Variants in PCDHGA6 observed in about 807,000 individuals in gnomAD.
PCDHGA6 encodes protocadherin gamma subfamily A, 6.
Under a neutral mutation model 60.6 loss-of-function variants are expected in PCDHGA6, and 41 were observed. The observed-to-expected ratio is 0.68, with a 90% CI of 0.53 to 0.88. PCDHGA6 has a LOEUF of 0.88. PCDHGA6 is among the 40% of genes least tolerant of loss of function. PCDHGA6 has a pLI of 0.00. For missense variants in PCDHGA6, 1,312 were observed against 1,203.0 expected (o/e 1.09, Z -1.34); for synonymous variants, 594 against 524.4 (o/e 1.13, Z -1.81).
chr5:141,451,806 A>G (rs145650418), intron 1 of PCDHGA6, among the ~76,000 whole-genome samples: 6,855 of 150,824 alleles, frequency 0.045, 259 homozygotes, highest in African/African-American at 0.1. Context: ...GCTTGAACCC[A>G]GGAGGCGGAG....
chr5:141,393,787 G>A (rs1267376494), intron 1 of PCDHGA6: 3 of 1,613,930 alleles, frequency 1.9e-6, no homozygotes, highest in Non-Finnish European at 2.5e-6. Flanking sequence ...GAAGATGTGG[G>A]GGCACTTCTG....
chr5:141,375,974 G>T lies in PCDHGA6; in HGVS notation c.1891G>T (p.Ala631Ser). 1 of 1,613,354 alleles carries T rather than the reference G, an allele frequency of 6.2e-7. No individual in the cohort carries two copies. Among genetic ancestry groups the T allele is most frequent in the Non-Finnish European group, 8.5e-7 (1 of 1,179,880 alleles). Residue 631 changes from alanine (A) to serine (S), a missense_variant, in exon 1 of 4, where the codon GCC (alanine) becomes TCC (serine). Physicochemically the swap from Ala to Ser is moderately conservative, Grantham distance 99. Coordinates refer to ENST00000517434, the MANE Select transcript of PCDHGA6 (RefSeq NM_018919.3). ...CACGGGCGAGGTGCGCACGGCGCGC[G>T]CCCTGCTGGACAGAGACGCGCTCAA... ...LHTGEVRTAR[A>S]LLDRDALKQS...
chr5:141,457,417 CT>C lies in PCDHGA6; in HGVS notation c.2425-37385del, dbSNP rs894846890. On this transcript the variant is annotated intron_variant, in intron 1 of 3. Transcript: ENST00000517434. ...ATTCACATTTTCACATTACCCATCC[CT>C]TTTTCCCCCCCACCAAGCTGCAGAA... Among the ~76,000 whole-genome samples, 3 of 152,296 alleles carry C rather than the reference CT, an allele frequency of 2.0e-5. No individual in the cohort carries two copies. In the South Asian group the frequency reaches 6.2e-4, roughly 32 times the overall value.
At chr5:141,467,901 C>T (rs1484485803) in intron 1 of PCDHGA6, among the ~76,000 whole-genome samples, 7 of 152,034 alleles carry the variant, frequency 4.6e-5, no homozygotes, top group Admixed American at 1.3e-4. Flanking sequence ...TCAAGAAATC[C>T]GCCCACCTCA....
At position 141,399,887 on chromosome 5, in the gene PCDHGA6, T is replaced by C. The variant is rs1189359878; in HGVS notation, c.2424+23380T>C. ...GAGCCCGGCTACCTGGTGACCAAGG[T>C]AGTGGCCGTGGACGCAGACTCAGGA... On this transcript the variant is annotated intron_variant, in intron 1 of 3. Coordinates refer to ENST00000517434, the MANE Select transcript of PCDHGA6 (RefSeq NM_018919.3). 3 of 1,612,524 alleles carry C rather than the reference T, an allele frequency of 1.9e-6. No homozygotes were observed. The African/African-American group carries it at 4.0e-5, about 22-fold the overall frequency.
rs750827454 is a variant in PCDHGA6, at chr5:141,394,736, C to T, written c.2424+18229C>T. The stretch of plus-strand genomic sequence containing the variant: ...TGGACAGAGATGCGCTCAAGCAGAG[C>T]CTCGTGGTGGCCGTCCAGGACCATG... On this transcript the variant is annotated intron_variant, in intron 1 of 3. Transcript: ENST00000517434. 13 of 1,613,338 alleles carry T rather than the reference C, an allele frequency of 8.1e-6. No homozygotes were observed. The African/African-American group carries it at 1.5e-4, about 18-fold the overall frequency.
At chr5:141,399,805 T>C (rs776266997) in intron 1 of PCDHGA6, 26 of 1,613,074 alleles carry the variant, frequency 1.6e-5, no homozygotes, top group Non-Finnish European at 8.5e-7. Flanking sequence ...GCGGGTGCTG[T>C]ACCCCGCGCT....
At position 141,509,907 on chromosome 5, in the gene PCDHGA6, C is replaced by G. The variant is rs149338646; in HGVS notation, c.2573-1040C>G. Among the ~76,000 whole-genome samples, 567 of 152,300 alleles carry G rather than the reference C, an allele frequency of 3.7e-3. 5 individuals carry two copies. Among genetic ancestry groups the G allele is most frequent in the Admixed American group, 0.011 (163 of 15,296 alleles). ...GTGACTGACTGTCCCTTCCAGCATGCGCTTAGGTACACTTGGGCCTGAATG... is the reference window on the plus strand; with the variant it reads ...GTGACTGACTGTCCCTTCCAGCATGGGCTTAGGTACACTTGGGCCTGAATG... On this transcript the variant is annotated intron_variant, in intron 3 of 3. Coordinates refer to ENST00000517434, the MANE Select transcript of PCDHGA6 (RefSeq NM_018919.3).
intron 1 of PCDHGA6, among the ~76,000 whole-genome samples, chr5:141,450,470 AGTTT>A (rs199699353): frequency 4.6e-5 from 7 of 151,680 alleles, no homozygotes; most frequent in Non-Finnish European, 8.8e-5. Flanking sequence ...TTATATATAG[AGTTT>A]GTTTGTTTGT....
intron 1 of PCDHGA6, among the ~76,000 whole-genome samples, chr5:141,380,688 T>C (rs1176696155): frequency 6.6e-6 from 1 of 152,260 alleles, no homozygotes; most frequent in Non-Finnish European, 1.5e-5. Flanking sequence ...TGCTTTGTGT[T>C]CGGAGTAGTC....
chr5:141,462,552 T>G (rs966816379), intron 1 of PCDHGA6, among the ~76,000 whole-genome samples: 4 of 152,194 alleles, frequency 2.6e-5, no homozygotes, highest in African/African-American at 9.6e-5. Context: ...TCTTCTTCAG[T>G]GTTTACTGTA....
intron 1 of PCDHGA6, among the ~76,000 whole-genome samples, chr5:141,464,263 T>TA (rs35224477): frequency 7.1e-4 from 74 of 103,538 alleles, no homozygotes; most frequent in East Asian, 1.9e-3. Flanking sequence ...AGACTCCGTC[T>TA]AAAAAAAAAA....
At chr5:141,394,198 T>C in intron 1 of PCDHGA6, 1 of 1,613,874 alleles carries the variant, frequency 6.2e-7, no homozygotes, top group East Asian at 2.2e-5. Context: ...GCGTATATCC[T>C]AGAGAACAAC....
At chr5:141,443,050 T>C (rs1290373918) in intron 1 of PCDHGA6, among the ~76,000 whole-genome samples, 1 of 152,236 alleles carries the variant, frequency 6.6e-6, no homozygotes, top group Non-Finnish European at 1.5e-5. Flanking sequence ...AAAATTATTG[T>C]TCCACTGAAG....
At chr5:141,385,191 G>A (rs775228510) in intron 1 of PCDHGA6, 1 of 1,614,086 alleles carries the variant, frequency 6.2e-7, no homozygotes, top group African/African-American at 1.3e-5. Context: ...CGGACTCTCG[G>A]AAGAGTCACC....
At chr5:141,479,964 A>G (rs188553800) in intron 1 of PCDHGA6, among the ~76,000 whole-genome samples, 1 of 152,330 alleles carries the variant, frequency 6.6e-6, no homozygotes, top group East Asian at 1.9e-4. Context: ...AGTTAGTCAA[A>G]TGAGGTTCTA....
chr5:141,462,209 C>T (rs1158675305), intron 1 of PCDHGA6, among the ~76,000 whole-genome samples: 6 of 152,172 alleles, frequency 3.9e-5, no homozygotes, highest in Non-Finnish European at 8.8e-5. Flanking sequence ...ATCCGCCTGC[C>T]TCGGCCTCCC....
In PCDHGA6 at chr5:141,431,788, T is replaced by G. The variant is rs775397713; in HGVS notation, c.2424+55281T>G. 1 of 1,614,190 alleles carries G rather than the reference T, an allele frequency of 6.2e-7. No homozygotes were observed. The highest frequency in any genetic ancestry group is 1.1e-5 in the South Asian group (1 of 91,080). ...TCACTGTTCTGGACGTGAACGACAA[T>G]GCCCCAGAAGTGGTCCTCACCTCTC... On this transcript the variant is annotated intron_variant, in intron 1 of 3. Coordinates refer to ENST00000517434, the MANE Select transcript of PCDHGA6 (RefSeq NM_018919.3). The surrounding 1 kb of genome is among the most constrained non-coding windows in gnomAD (Gnocchi z 4.8).
chr5:141,506,061 G>A (rs1260513343), intron 3 of PCDHGA6, among the ~76,000 whole-genome samples: 2 of 152,144 alleles, frequency 1.3e-5, no homozygotes, highest in Non-Finnish European at 2.9e-5. Flanking sequence ...GGTTGACTAA[G>A]GGCTTCCTTT....
Sources: allele counts gnomAD v4.1 joint callset (sites outside exome capture counted in the v4.1 genomes callset), GRCh38; gene constraint gnomAD v4.1.1; non-coding constraint Gnocchi (gnomAD v3.1); transcripts MANE v1.5; gene names NCBI Gene and HGNC (gene_info 2026-07-23, HGNC 2026-07-21).